TIAL1: variants seen among roughly 807,000 people sequenced by gnomAD.
The protein encoded by TIAL1 is TIA1 cytotoxic granule associated RNA binding protein like 1.
A neutral mutation model predicts 59.7 loss-of-function variants in TIAL1; 7 were observed. The ratio of observed to expected loss-of-function variants is 0.12; its 90% confidence interval spans 0.07 to 0.22. The LOEUF (loss-of-function observed/expected upper bound fraction) is 0.22. Among genes scored for constraint, TIAL1 ranks in the 10% least tolerant of loss-of-function variants. TIAL1 has a pLI of 1.00. For missense variants in TIAL1, 225 were observed against 462.5 expected, an observed-to-expected ratio of 0.49 and a Z score of 4.71; for synonymous variants, 149 against 146.3, an observed-to-expected ratio of 1.02 and a Z score of -0.13.
At chr10:119,584,220 T>A (rs146116318) in intron 2 of TIAL1, among the ~76,000 whole-genome samples, 52 of 152,324 alleles carry the variant, frequency 3.4e-4, no homozygotes, top group African/African-American at 1.2e-3. Flanking sequence ...ATATTTTATA[T>A]ATTCACATCA....
intron 1 of TIAL1, among the ~76,000 whole-genome samples, chr10:119,590,042 G>C (rs1027477496): frequency 6.6e-6 from 1 of 152,172 alleles, no homozygotes; most frequent in Non-Finnish European, 1.5e-5. Flanking sequence ...GACTGAGAAA[G>C]CTTAGGTTAA....
intron 2 of TIAL1, among the ~76,000 whole-genome samples, chr10:119,586,636 T>C (rs534093926): frequency 5.1e-4 from 77 of 152,312 alleles, no homozygotes; most frequent in African/African-American, 1.7e-3. Flanking sequence ...ACCTAAACTA[T>C]GTCATGGACC....
Position 119,577,621 on chromosome 10 carries a change from T to C in TIAL1, c.652+20A>G, listed in dbSNP as rs777169779. On this transcript the variant is annotated intron_variant, in intron 8 of 11. Coordinates refer to ENST00000436547, the MANE Select transcript of TIAL1 (RefSeq NM_003252.4). Reference sequence around the variant, plus strand: ...AGTGATGAAGCTCCTCAGAGGTGATTAGAAAACCAAACATTGTACCTGTTA... The same window carrying C: ...AGTGATGAAGCTCCTCAGAGGTGATCAGAAAACCAAACATTGTACCTGTTA... 13 of 1,611,906 alleles carry C rather than the reference T, an allele frequency of 8.1e-6. No individual in the cohort carries two copies. The South Asian group carries it at 1.1e-4, about 14-fold the overall frequency.
In TIAL1 at chr10:119,574,783, G is replaced by C. The variant is rs1844896808; in HGVS notation, c.*882C>G. 1 of 152,534 alleles carries C rather than the reference G, an allele frequency of 6.6e-6. No individual in the cohort carries two copies. The highest frequency in any genetic ancestry group is 1.5e-5 in the Non-Finnish European group (1 of 68,012). The allele number at this position is 152,534 out of a possible 1,614,324, so 9.4% of individuals were successfully genotyped here. A position where few individuals can be genotyped will look rare whatever the true frequency, so the allele number is the denominator to read the frequency against. On this transcript the variant is annotated 3_prime_UTR_variant, in exon 12 of 12. Coordinates refer to ENST00000436547, the MANE Select transcript of TIAL1 (RefSeq NM_003252.4). ...TGATCAATCCACTGCATTCAATGCAGCGGAGTGTGTTAAGTGTTACTTCAA... is the reference window on the plus strand; with the variant it reads ...TGATCAATCCACTGCATTCAATGCACCGGAGTGTGTTAAGTGTTACTTCAA...
intron 2 of TIAL1, among the ~76,000 whole-genome samples, chr10:119,587,165 C>A (rs1755251391): frequency 6.6e-6 from 1 of 152,202 alleles, no homozygotes; most frequent in Admixed American, 6.5e-5. Context: ...CAGGATAAAA[C>A]AAACTCTTTA....
intron 7 of TIAL1, 87 bp from the exon 8 acceptor site, chr10:119,577,823 C>T: frequency 8.2e-7 from 1 of 1,226,536 alleles, no homozygotes; most frequent in East Asian, 2.4e-5. Flanking sequence ...TTAAGATATG[C>T]CTCAGGCCGG....
intron 1 of TIAL1, among the ~76,000 whole-genome samples, chr10:119,595,563 C>G (rs1163832513): frequency 6.6e-6 from 1 of 151,940 alleles, no homozygotes; most frequent in East Asian, 1.9e-4. Flanking sequence ...AGATGGAATT[C>G]ATTCATTAGA....
chr10:119,579,825 TTG>T (rs1845219309), intron 6 of TIAL1, 108 bp downstream of exon 6: 1 of 742,552 alleles, frequency 1.3e-6, no homozygotes, highest in Non-Finnish European at 2.1e-6. Context: ...TACATAAAAG[TTG>T]TGTTTGTAGT....
chr10:119,596,309 A>G (rs899017982), intron 1 of TIAL1, 125 bp downstream of exon 1: 47 of 1,036,548 alleles, frequency 4.5e-5, no homozygotes, highest in Middle Eastern at 2.0e-4. Flanking sequence ...CTTCGCGTCC[A>G]CGCCGCCCTG....
Position 119,579,827 on chromosome 10 carries a change from G to A in TIAL1, c.447+108C>T, listed in dbSNP as rs1845219471. ...ACATACATAACATTACATAAAAGTTGTGTTTGTAGTTAACATTCAAGTATA... is the reference window on the plus strand; with the variant it reads ...ACATACATAACATTACATAAAAGTTATGTTTGTAGTTAACATTCAAGTATA... On this transcript the variant is annotated intron_variant, in intron 6 of 11. Transcript: ENST00000436547. 6.6e-6 allele frequency: 5 copies of A among 753,660 alleles called. No individual in the cohort carries two copies. The South Asian group carries it at 1.2e-4, about 18-fold the overall frequency. 46.7% of individuals were successfully genotyped at this position (753,660 alleles called of 1,614,324 possible).
chr10:119,582,743 C>G lies in TIAL1; in HGVS notation c.130-186G>C. 1.3e-6 allele frequency: 1 copy of G among 781,062 alleles called. No homozygotes were observed. The highest frequency in any genetic ancestry group is 1.8e-6 in the Non-Finnish European group (1 of 541,662). The allele number at this position is 781,062 out of a possible 1,614,324, so 48.4% of individuals were successfully genotyped here. On this transcript the variant is annotated intron_variant, in intron 2 of 11. Coordinates refer to ENST00000436547, the MANE Select transcript of TIAL1 (RefSeq NM_003252.4). This position sits in a 1 kb window ranked among gnomAD's most constrained non-coding sequence, Gnocchi z 5.1. ...CCTGACTTTGCACCTCAGAATACTG[C>G]TGAACTCAAACGGAACTATAAAAGC...
At chr10:119,581,655 G>A in intron 5 of TIAL1, 1 of 286,978 alleles carries the variant, frequency 3.5e-6, no homozygotes, top group Non-Finnish European at 6.5e-6. Context: ...TCAAACATCT[G>A]CTTCAAAGAT....
intron 1 of TIAL1, among the ~76,000 whole-genome samples, chr10:119,589,825 C>G (rs562246479): frequency 6.6e-6 from 1 of 152,316 alleles, no homozygotes; most frequent in African/African-American, 2.4e-5. Flanking sequence ...CATAATTCCT[C>G]AAATTTGCAT....
At chr10:119,585,200 G>A (rs2133981014) in intron 2 of TIAL1, among the ~76,000 whole-genome samples, 1 of 151,478 alleles carries the variant, frequency 6.6e-6, no homozygotes, top group South Asian at 2.1e-4. Context: ...ACTTTAGGAG[G>A]ATGAGGCAGA....
In TIAL1 at chr10:119,582,432, T is replaced by A; in HGVS notation, c.228+27A>T. 6.4e-7 allele frequency: 1 copy of A among 1,569,574 alleles called. No individual in the cohort carries two copies. The highest frequency in any genetic ancestry group is 8.6e-7 in the Non-Finnish European group (1 of 1,163,718). ...TTTGACATGCAAATATATGTACTCA[T>A]AAGGTGCCATCATCCTATTATCTTA... is the stretch of plus-strand genomic sequence containing the variant. On this transcript the variant is annotated intron_variant, in intron 3 of 11. Transcript: ENST00000436547. The surrounding 1 kb of genome is among the most constrained non-coding windows in gnomAD (Gnocchi z 5.1).
intron 2 of TIAL1, among the ~76,000 whole-genome samples, chr10:119,585,925 T>C (rs1845551945): frequency 6.6e-6 from 1 of 152,206 alleles, no homozygotes; most frequent in Admixed American, 6.5e-5. Flanking sequence ...CACTCTGGTT[T>C]TCCTGTTTCC....
intron 1 of TIAL1, among the ~76,000 whole-genome samples, chr10:119,590,810 AAG>A (rs1260114585): frequency 1.3e-5 from 2 of 150,808 alleles, no homozygotes; most frequent in African/African-American, 5.0e-5. Context: ...GAAAGAAAGA[AAG>A]AAAGAAAGAA....
At chr10:119,579,543 A>G (rs1030281043) in intron 6 of TIAL1, among the ~76,000 whole-genome samples, 1 of 152,206 alleles carries the variant, frequency 6.6e-6, no homozygotes, top group Non-Finnish European at 1.5e-5. Context: ...TCCCAGTTAT[A>G]TAAGAGTATG....
chr10:119,585,679 A>G (rs1453508614), intron 2 of TIAL1, among the ~76,000 whole-genome samples: 2 of 152,100 alleles, frequency 1.3e-5, no homozygotes, highest in Non-Finnish European at 2.9e-5. Flanking sequence ...ATCTTTACAA[A>G]TGTTTCTCAA....
Sources: allele counts gnomAD v4.1 joint callset (sites outside exome capture counted in the v4.1 genomes callset), GRCh38; gene constraint gnomAD v4.1.1; non-coding constraint Gnocchi (gnomAD v3.1); transcripts MANE v1.5; gene names NCBI Gene and HGNC (gene_info 2026-07-23, HGNC 2026-07-21).